The following RTL4 variants were observed in gnomAD, a reference collection of about 807,000 sequenced individuals.
The protein encoded by RTL4 is retrotransposon Gag-like protein 4.
RTL4 carries 4 observed loss-of-function variants against 5.3 expected under a neutral mutation model. That is an observed-to-expected ratio of 0.75 (90% CI 0.37 to 1.72). The LOEUF (loss-of-function observed/expected upper bound fraction) is 1.72, where lower values mean the gene tolerates loss of function less well. RTL4 is among the 40% of genes most tolerant of loss of function. RTL4 has a pLI of 0.04. For missense variants in RTL4, 260 were observed against 227.1 expected (o/e 1.14, Z -0.93); for synonymous variants, 98 against 87.3 (o/e 1.12, Z -0.68).
At chrX:112,221,152 G>C in the RTL4 span, among the ~76,000 whole-genome samples, 8 of 111,791 alleles carry the variant, frequency 7.2e-5, no homozygotes, top group Admixed American at 7.6e-4. Flanking sequence ...CAATTATGGC[G>C]ATAGGGAAAG....
chrX:112,334,124 G>C, the RTL4 span, among the ~76,000 whole-genome samples: 60 of 111,577 alleles, frequency 5.4e-4, no homozygotes, highest in African/African-American at 2.0e-3. Flanking sequence ...TGTTGCAAGT[G>C]ACAAGATCTT....
At chrX:112,387,913 G>T in the RTL4 span, among the ~76,000 whole-genome samples, 1 of 111,396 alleles carries the variant, frequency 9.0e-6, no homozygotes, top group Non-Finnish European at 1.9e-5. Flanking sequence ...GCTCTTTTAT[G>T]GTTCTTTATG....
chrX:112,137,374 G>A, the RTL4 span, among the ~76,000 whole-genome samples: 8 of 111,968 alleles, frequency 7.1e-5, no homozygotes, highest in Admixed American at 2.8e-4. Flanking sequence ...GGTAATTTAC[G>A]AAGGAAAGAG....
At chrX:112,386,275 T>C in the RTL4 span, among the ~76,000 whole-genome samples, 1 of 112,339 alleles carries the variant, frequency 8.9e-6, no homozygotes, top group African/African-American at 3.2e-5. Context: ...TTTTAGTTAT[T>C]GTAAAATTTA....
chrX:112,113,672 A>T, the RTL4 span, among the ~76,000 whole-genome samples: 1 of 111,477 alleles, frequency 9.0e-6, no homozygotes, highest in Non-Finnish European at 1.9e-5. Context: ...TGGCCCAGAG[A>T]ACCTTTGTCT....
chrX:112,144,538 T>C, the RTL4 span, among the ~76,000 whole-genome samples: 1 of 111,537 alleles, frequency 9.0e-6, no homozygotes, highest in Non-Finnish European at 1.9e-5. Context: ...GTAGGCTGCC[T>C]GCCTAAGATT....
At chrX:112,239,297 C>A in the RTL4 span, among the ~76,000 whole-genome samples, 1 of 110,564 alleles carries the variant, frequency 9.0e-6, no homozygotes, top group African/African-American at 3.3e-5. Context: ...AGTGGGGAGG[C>A]GGGCTTCTAT....
At chrX:112,104,653 TTTGAGCA>T in the RTL4 span, among the ~76,000 whole-genome samples, 1 of 111,964 alleles carries the variant, frequency 8.9e-6, no homozygotes, top group South Asian at 3.7e-4. Flanking sequence ...GATTAGTGAC[TTTGAGCA>T]TTTTTTCATG....
the RTL4 span, among the ~76,000 whole-genome samples, chrX:112,402,403 TG>T: frequency 4.7e-5 from 2 of 42,915 alleles, no homozygotes; most frequent in African/African-American, 4.3e-4. Context: ...ATTATTATTG[TG>T]TGTGTGTGTG....
At chrX:112,240,743 G>A in the RTL4 span, among the ~76,000 whole-genome samples, 2 of 111,054 alleles carry the variant, frequency 1.8e-5, no homozygotes, top group African/African-American at 6.6e-5. Flanking sequence ...TGTTACATAC[G>A]TATACATGTG....
chrX:112,289,150 G>A, the RTL4 span, among the ~76,000 whole-genome samples: 1 of 112,105 alleles, frequency 8.9e-6, no homozygotes, highest in Non-Finnish European at 1.9e-5. Context: ...AGTATAAAAA[G>A]CTTACAGGCT....
the RTL4 span, among the ~76,000 whole-genome samples, chrX:112,199,049 G>A: frequency 9.0e-6 from 1 of 111,001 alleles, no homozygotes; most frequent in East Asian, 2.9e-4. Context: ...AGCACTTTGG[G>A]AGGCCGAGGT....
chrX:112,238,090 A>G, the RTL4 span, among the ~76,000 whole-genome samples: 10 of 111,880 alleles, frequency 8.9e-5, no homozygotes, highest in Non-Finnish European at 1.3e-4. Flanking sequence ...CAACACTCCT[A>G]TCCCTTCAGC....
the RTL4 span, among the ~76,000 whole-genome samples, chrX:112,226,058 GC>G: frequency 8.9e-6 from 1 of 112,197 alleles, no homozygotes; most frequent in Non-Finnish European, 1.9e-5. Context: ...GCCAGTACAA[GC>G]TGTCACCAGC....
chrX:112,305,044 C>G, the RTL4 span, among the ~76,000 whole-genome samples: 1 of 110,938 alleles, frequency 9.0e-6, no homozygotes, highest in Non-Finnish European at 1.9e-5. Flanking sequence ...GCTTATGGAT[C>G]TCGGCTGGGT....
At chrX:112,448,835 A>T in the RTL4 span, among the ~76,000 whole-genome samples, 1 of 111,813 alleles carries the variant, frequency 8.9e-6, no homozygotes, top group Non-Finnish European at 1.9e-5. Flanking sequence ...GAACTGGAAA[A>T]TTGCAGTAAA....
At chrX:112,246,427 G>A in the RTL4 span, among the ~76,000 whole-genome samples, 9 of 111,627 alleles carry the variant, frequency 8.1e-5, no homozygotes, top group South Asian at 3.8e-4. Flanking sequence ...CAGCAATGGC[G>A]GACACCCCTC....
chrX:112,169,086 TTCTTTCTTTC>T, the RTL4 span, among the ~76,000 whole-genome samples: 2 of 55,954 alleles, frequency 3.6e-5, no homozygotes, highest in Non-Finnish European at 6.6e-5. Context: ...TTTCTTTCTT[TTCTTTCTTTC>T]TTTCTTTCTT....
the RTL4 span, among the ~76,000 whole-genome samples, chrX:112,242,498 G>T: frequency 9.0e-6 from 1 of 111,515 alleles, no homozygotes; most frequent in African/African-American, 3.3e-5. Context: ...CACTCTGTTT[G>T]TCTGTTATTG....
Sources: allele counts gnomAD v4.1 joint callset (sites outside exome capture counted in the v4.1 genomes callset), GRCh38; gene constraint gnomAD v4.1.1; transcripts MANE v1.5; gene names NCBI Gene and HGNC (gene_info 2026-07-23, HGNC 2026-07-21).